Variants in CDCA2 observed in about 807,000 individuals in gnomAD.
The protein encoded by CDCA2 is cell division cycle associated 2.
Under a neutral mutation model 67.0 loss-of-function variants are expected in CDCA2, and 44 were observed. That is an observed-to-expected ratio of 0.66 (90% confidence interval 0.52 to 0.84). The LOEUF is 0.84. Among genes scored for constraint, CDCA2 ranks in the 40% least tolerant of loss-of-function variants. The pLI, the probability that CDCA2 is intolerant of heterozygous loss-of-function variation, is 0.00. For missense variants in CDCA2, 1,253 were observed against 1,203.2 expected, an observed-to-expected ratio of 1.04 and a Z score of -0.61; for synonymous variants, 447 against 418.7, an observed-to-expected ratio of 1.07 and a Z score of -0.82.
rs143428579 is a variant in CDCA2 at position 25,506,939 on chromosome 8, A to C, written c.2273A>C (p.Asp758Ala). 3.8e-5 allele frequency: 62 copies of C among 1,613,092 alleles called. No individual in the cohort carries two copies. The highest frequency in any genetic ancestry group is 5.1e-5 in the Non-Finnish European group (60 of 1,179,724). ...NLCQFFKISPDLNIKCERKDD... is the reference protein window; with the variant it reads ...NLCQFFKISPALNIKCERKDD... ...TGTCAGTTCTTTAAAATTTCACCAG[A>C]TTTAAACATAAAGTGTGAAAGAAAG... Residue 758 changes from aspartate (D) to alanine (A), a missense_variant, in exon 15 of 15, where the codon GAT becomes GCT. Physicochemically the swap from Asp to Ala is moderately radical, Grantham distance 126 (BLOSUM62 -2). Coordinates refer to ENST00000330560, the MANE Select transcript of CDCA2 (RefSeq NM_152562.4).
intron 13 of CDCA2, among the ~76,000 whole-genome samples, chr8:25,502,327 A>T (rs1259021777): frequency 6.6e-6 from 1 of 151,846 alleles, no homozygotes; most frequent in Non-Finnish European, 1.5e-5. Context: ...CATTTCCCCA[A>T]GGTCTTTTCC....
At chr8:25,496,209 G>T (rs1459348192) in intron 13 of CDCA2, among the ~76,000 whole-genome samples, 1 of 152,118 alleles carries the variant, frequency 6.6e-6, no homozygotes, top group African/African-American at 2.4e-5. Flanking sequence ...GACTTACACT[G>T]ACCAGATATG....
At chr8:25,491,220 AAG>A (rs1803989396) in intron 13 of CDCA2, among the ~76,000 whole-genome samples, 1 of 152,164 alleles carries the variant, frequency 6.6e-6, no homozygotes, top group East Asian at 1.9e-4. Flanking sequence ...TCTTAGGAAA[AAG>A]AAGGAGAAAA....
At chr8:25,505,113 CTT>C (rs1563287224) in intron 14 of CDCA2, among the ~76,000 whole-genome samples, 2 of 152,094 alleles carry the variant, frequency 1.3e-5, no homozygotes, top group African/African-American at 4.8e-5. Context: ...TTCTCTATCT[CTT>C]TCTCTTTTTC....
intron 6 of CDCA2, 119 bp downstream of exon 6, chr8:25,468,532 G>GATGTGT: frequency 4.7e-6 from 2 of 423,122 alleles, no homozygotes; most frequent in South Asian, 5.1e-5. Flanking sequence ...TGGTTCCTGG[G>GATGTGT]GTGTGTGTGT....
intron 7 of CDCA2, among the ~76,000 whole-genome samples, chr8:25,470,978 G>A (rs1803130496): frequency 6.6e-6 from 1 of 151,912 alleles, no homozygotes; most frequent in South Asian, 2.1e-4. Context: ...GCCAGGCTGG[G>A]CTTCAACTCC....
chr8:25,460,102 A>AT, intron 1 of CDCA2, 138 bp from the exon 2 acceptor site: 2 of 774,760 alleles, frequency 2.6e-6, no homozygotes, highest in Non-Finnish European at 4.3e-6. Context: ...AGAAATTAAA[A>AT]TAAAAAATGA....
Position 25,471,701 on chromosome 8 carries a change from G to A in CDCA2, c.820+1721G>A, listed in dbSNP as rs1307906585. Among the ~76,000 whole-genome samples, 4 of 152,148 alleles carry A rather than the reference G, an allele frequency of 2.6e-5. No homozygotes were observed. In the South Asian group the frequency reaches 6.2e-4, roughly 24 times the overall value. On this transcript the variant is annotated intron_variant, in intron 7 of 14. Transcript: ENST00000330560. ...TTGCTTTGCTCTTATGGGACTTTGCGTAGGAGTGACAGATTCTCTGTGACA... is the reference window on the plus strand; with the variant it reads ...TTGCTTTGCTCTTATGGGACTTTGCATAGGAGTGACAGATTCTCTGTGACA...
chr8:25,491,783 GTGTTTTTTGTT>G (rs745749281), intron 13 of CDCA2, among the ~76,000 whole-genome samples: 5 of 151,612 alleles, frequency 3.3e-5, no homozygotes, highest in Non-Finnish European at 5.9e-5. Context: ...CGCTTGGCTA[GTGTTTTTTGTT>G]TGTTTTTTGT....
At chr8:25,472,865 C>T (rs1020977513) in intron 7 of CDCA2, among the ~76,000 whole-genome samples, 4 of 151,874 alleles carry the variant, frequency 2.6e-5, no homozygotes, top group Admixed American at 6.6e-5. Flanking sequence ...TATGGTGAGA[C>T]GTTTGAAAAT....
In CDCA2 at chr8:25,507,109, C is replaced by A. The variant is rs1399517753; in HGVS notation, c.2443C>A (p.Pro815Thr). The change falls in exon 15 of 15, where the codon CCC (proline) becomes ACC (threonine). Residue 815 changes from proline (P) to threonine (T), a missense_variant. Physicochemically the swap from Pro to Thr is conservative, Grantham distance 38. Transcript: ENST00000330560. ...KSQSEDLGRK[P>T]MESSSVVSCR... is the part of the protein sequence containing the mutation. ...CCAGAGTGAGGATTTGGGAAGAAAA[C>A]CCATGGAAAGTAGCAGTGTTGTGAG... 6.2e-7 allele frequency: 1 copy of A among 1,613,978 alleles called. No individual in the cohort carries two copies. Among genetic ancestry groups the A allele is most frequent in the Non-Finnish European group, 8.5e-7 (1 of 1,180,034 alleles).
intron 1 of CDCA2, 48 bp downstream of exon 1, chr8:25,459,521 C>T (rs999456896): frequency 3.3e-5 from 5 of 152,548 alleles, no homozygotes; most frequent in African/African-American, 1.2e-4. Flanking sequence ...CGGGGCATTT[C>T]TAGGCACTTT....
chr8:25,494,194 T>C (rs1804117607), intron 13 of CDCA2, among the ~76,000 whole-genome samples: 2 of 152,086 alleles, frequency 1.3e-5, no homozygotes, highest in African/African-American at 4.8e-5. Flanking sequence ...GTGAGGTGGC[T>C]CACACCTGTA....
chr8:25,465,851 T>A (rs770740521), intron 4 of CDCA2, among the ~76,000 whole-genome samples: 4 of 152,302 alleles, frequency 2.6e-5, no homozygotes, highest in Non-Finnish European at 5.9e-5. Flanking sequence ...TATGGATACA[T>A]CCAGCACAAC....
At chr8:25,466,356 T>C (rs201999374) in intron 5 of CDCA2, 31 bp downstream of exon 5, 2 of 1,536,460 alleles carry the variant, frequency 1.3e-6, no homozygotes, top group Middle Eastern at 1.7e-4. Flanking sequence ...CAGTTTTGAC[T>C]TCAATATTTA....
At chr8:25,483,912 G>A in intron 9 of CDCA2, 54 bp from the exon 10 acceptor site, 1 of 1,485,484 alleles carries the variant, frequency 6.7e-7, no homozygotes, top group Non-Finnish European at 9.3e-7. Flanking sequence ...ATGCCTTTTA[G>A]ATAAGAAATA....
intron 4 of CDCA2, among the ~76,000 whole-genome samples, chr8:25,465,053 A>G (rs1156540181): frequency 6.6e-6 from 1 of 152,112 alleles, no homozygotes; most frequent in Non-Finnish European, 1.5e-5. Context: ...GGCCCATTGC[A>G]ACCTCTACCT....
intron 6 of CDCA2, 77 bp downstream of exon 6, chr8:25,468,490 G>T: frequency 8.5e-7 from 1 of 1,178,226 alleles, no homozygotes; most frequent in Non-Finnish European, 1.2e-6. Context: ...TGTCAGTGCC[G>T]TTCTTCAATT....
At chr8:25,461,429 G>A (rs1802683827) in intron 3 of CDCA2, among the ~76,000 whole-genome samples, 1 of 152,192 alleles carries the variant, frequency 6.6e-6, no homozygotes, top group Non-Finnish European at 1.5e-5. Flanking sequence ...TTTAGAATTG[G>A]AGGATAATGG....
Sources: allele counts gnomAD v4.1 joint callset (sites outside exome capture counted in the v4.1 genomes callset), GRCh38; gene constraint gnomAD v4.1.1; transcripts MANE v1.5; gene names NCBI Gene and HGNC (gene_info 2026-07-23, HGNC 2026-07-21).